STXBP5L: variants seen among roughly 807,000 people sequenced by gnomAD.
STXBP5L encodes syntaxin-binding protein 5-like.
A neutral mutation model predicts 144.5 loss-of-function variants in STXBP5L; 65 were observed. That is an observed-to-expected ratio of 0.45 (90% CI 0.37 to 0.55). The LOEUF (loss-of-function observed/expected upper bound fraction) is 0.55, where lower values mean the gene tolerates loss of function less well. Ranked by LOEUF, STXBP5L falls within the 20% of genes least tolerant of loss-of-function variation. The pLI, the probability that STXBP5L is intolerant of heterozygous loss-of-function variation, is 0.00. For synonymous variants in STXBP5L, 505 were observed against 469.6 expected (o/e 1.08, Z -0.97); for missense variants, 1,298 against 1,405.5 (o/e 0.92, Z 1.22).
chr3:121,290,273 C>T (rs1035150977), intron 19 of STXBP5L, among the ~76,000 whole-genome samples: 4 of 152,078 alleles, frequency 2.6e-5, no homozygotes, highest in Non-Finnish European at 2.9e-5. Flanking sequence ...ACTATCATCA[C>T]CTTTATGCAC....
At chr3:121,041,589 A>G in intron 3 of STXBP5L, 111 bp from the exon 4 acceptor site, 1 of 766,716 alleles carries the variant, frequency 1.3e-6, no homozygotes, top group Non-Finnish European at 2.2e-6. Context: ...CTATTTATAA[A>G]AATAAGGGAA....
intron 9 of STXBP5L, among the ~76,000 whole-genome samples, chr3:121,181,598 G>T (rs1343725623): frequency 6.6e-6 from 1 of 152,122 alleles, no homozygotes; most frequent in Non-Finnish European, 1.5e-5. Flanking sequence ...GCTGGGCATG[G>T]TCGTAGATGC....
At chr3:121,384,462 A>G (rs550517676) in intron 22 of STXBP5L, among the ~76,000 whole-genome samples, 4 of 152,224 alleles carry the variant, frequency 2.6e-5, no homozygotes, top group African/African-American at 9.6e-5. Context: ...CCAGGAGTTC[A>G]AGACCAGCCT....
chr3:121,405,207 T>C (rs1576364905), intron 22 of STXBP5L, among the ~76,000 whole-genome samples: 1 of 152,132 alleles, frequency 6.6e-6, no homozygotes, highest in African/African-American at 2.4e-5. Flanking sequence ...CTTTAACATA[T>C]GATTTTTTTT....
At chr3:120,931,606 T>G (rs191426368) in intron 2 of STXBP5L, among the ~76,000 whole-genome samples, 40 of 152,340 alleles carry the variant, frequency 2.6e-4, no homozygotes, top group Admixed American at 2.4e-3. Context: ...AAAGTAGTTT[T>G]TGTAGATAAA....
chr3:121,347,863 A>C (rs532421703), intron 20 of STXBP5L, among the ~76,000 whole-genome samples: 83 of 152,288 alleles, frequency 5.5e-4, no homozygotes, highest in Middle Eastern at 3.4e-3. Flanking sequence ...TTGGGTTGAG[A>C]CGATGGGGTT....
intron 9 of STXBP5L, among the ~76,000 whole-genome samples, chr3:121,177,509 G>A (rs1463814727): frequency 2.0e-5 from 3 of 152,062 alleles, no homozygotes. Flanking sequence ...CACATGAAAC[G>A]ATGCTCAACA....
intron 9 of STXBP5L, among the ~76,000 whole-genome samples, chr3:121,180,690 C>T (rs2047106672): frequency 6.6e-6 from 1 of 152,126 alleles, no homozygotes; most frequent in Non-Finnish European, 1.5e-5. Flanking sequence ...GCCTGACCAA[C>T]ATGGTGAAAC....
chr3:120,973,141 C>G (rs1338720504), intron 3 of STXBP5L, among the ~76,000 whole-genome samples: 1 of 152,050 alleles, frequency 6.6e-6, no homozygotes, highest in African/African-American at 2.4e-5. Context: ...TTTAGTAGAA[C>G]CACCATAAGT....
intron 9 of STXBP5L, among the ~76,000 whole-genome samples, chr3:121,195,622 A>T (rs2047890784): frequency 6.6e-6 from 1 of 152,216 alleles, no homozygotes; most frequent in South Asian, 2.1e-4. Context: ...AAGCTGAATA[A>T]TATTTCAGTG....
rs143591321 is a variant in STXBP5L, at chr3:121,352,320, G to A, written c.2177-26396G>A. Among the ~76,000 whole-genome samples, 490 of 152,212 alleles carry A rather than the reference G, an allele frequency of 3.2e-3. 6 individuals carry two copies. Among genetic ancestry groups the A allele is most frequent in the African/African-American group, 0.011 (461 of 41,498 alleles). ...ATTGATTCTTCCTATCCATGAGTAT[G>A]GAATGTTCTTCCATTTGATTGTGTC... On this transcript the variant is annotated intron_variant, in intron 20 of 26. Coordinates refer to ENST00000471454, the MANE Select transcript of STXBP5L (RefSeq NM_001308330.2).
intron 9 of STXBP5L, among the ~76,000 whole-genome samples, chr3:121,195,014 C>T (rs950545219): frequency 1.1e-4 from 16 of 144,654 alleles, no homozygotes; most frequent in East Asian, 1.1e-3. Context: ...CTCCTACGTT[C>T]AAGTGATTCT....
rs534472114 is a variant in STXBP5L, at chr3:121,058,628, C to T, written c.470+13093C>T. 2.6e-3 allele frequency among the ~76,000 whole-genome samples: 390 copies of T among 152,330 alleles called. 2 individuals are homozygous for T. The highest frequency in any genetic ancestry group is 3.8e-3 in the Non-Finnish European group (259 of 68,034). ...GTGTTCCTATTTCTCCAAATCCTCT[C>T]CAGCATCTGTTGTTTCCTGACTTTT... On this transcript the variant is annotated intron_variant, in intron 5 of 26. Transcript: ENST00000471454.
chr3:121,380,155 A>C (rs2046290269), intron 21 of STXBP5L, among the ~76,000 whole-genome samples: 1 of 152,156 alleles, frequency 6.6e-6, no homozygotes, highest in Admixed American at 6.6e-5. Context: ...GGGAATTTTG[A>C]ATTTTAGATA....
chr3:121,157,780 C>A, intron 9 of STXBP5L, 153 bp downstream of exon 9: 2 of 976,958 alleles, frequency 2.0e-6, no homozygotes, highest in South Asian at 1.9e-5. Context: ...CAGATCCCAA[C>A]ATTGTACCCC....
At chr3:120,978,527 A>G (rs1165336966) in intron 3 of STXBP5L, among the ~76,000 whole-genome samples, 1 of 152,116 alleles carries the variant, frequency 6.6e-6, no homozygotes, top group African/African-American at 2.4e-5. Flanking sequence ...GATCGTCTGA[A>G]GCCTTCTTCT....
In STXBP5L at chr3:121,176,130, C is replaced by G. The variant is rs572647296; in HGVS notation, c.877+18503C>G. Among the ~76,000 whole-genome samples, 54 of 152,066 alleles carry G rather than the reference C, an allele frequency of 3.6e-4. No homozygotes were observed. In the South Asian group the frequency reaches 8.9e-3, roughly 25 times the overall value. ...ACAGCTATATTTGGAAACTTCAAAA[C>G]TAATCTCTCTGTAATTGATAGAACA... On this transcript the variant is annotated intron_variant, in intron 9 of 26. Coordinates refer to ENST00000471454, the MANE Select transcript of STXBP5L (RefSeq NM_001308330.2).
In STXBP5L at chr3:121,078,177, C is replaced by CTA. The variant is rs1560099264; in HGVS notation, c.470+32642_470+32643insTA. On this transcript the variant is annotated intron_variant, in intron 5 of 26. Transcript: ENST00000471454. ...GTGCATTCACAAACCCTGAACTAGA[C>CTA]ACAGGGTGCAGATTGGTGTGTTTAC... Among the ~76,000 whole-genome samples the CTA allele has an allele frequency of 3.2e-4, 48 of 152,262 alleles. No individual in the cohort carries two copies. In the South Asian group the frequency reaches 9.7e-3, roughly 31 times the overall value.
intron 19 of STXBP5L, among the ~76,000 whole-genome samples, chr3:121,312,391 T>TTTA (rs1491500989): frequency 5.7e-4 from 57 of 100,380 alleles, no homozygotes; most frequent in African/African-American, 2.3e-3. Flanking sequence ...TTTTTTTTTT[T>TTTA]ATGGCAGAAA....
Sources: allele counts gnomAD v4.1 joint callset (sites outside exome capture counted in the v4.1 genomes callset), GRCh38; gene constraint gnomAD v4.1.1; transcripts MANE v1.5; gene names NCBI Gene and HGNC (gene_info 2026-07-23, HGNC 2026-07-21).